Variants in MAP3K4 observed in about 807,000 individuals in gnomAD.
MAP3K4 encodes the protein MAP three kinase 1.
Under a neutral mutation model 185.6 loss-of-function variants are expected in MAP3K4, and 67 were observed. That is an observed-to-expected ratio of 0.36 (90% confidence interval 0.30 to 0.44). MAP3K4 has a LOEUF of 0.44. Ranked by LOEUF, MAP3K4 falls within the 20% of genes least tolerant of loss-of-function variation. The pLI, the probability that MAP3K4 is intolerant of heterozygous loss-of-function variation, is 1.00. For missense variants in MAP3K4, 1,551 were observed against 1,995.1 expected, an observed-to-expected ratio of 0.78 and a Z score of 4.24; for synonymous variants, 702 against 710.4, an observed-to-expected ratio of 0.99 and a Z score of 0.19.
Position 161,074,979 on chromosome 6 carries a change from G to A in MAP3K4, c.2097+1367G>A, listed in dbSNP as rs1300470054. Among the ~76,000 whole-genome samples, 2 of 152,158 alleles carry A rather than the reference G, an allele frequency of 1.3e-5. No homozygotes were observed. The highest frequency in any genetic ancestry group is 1.3e-4 in the Admixed American group (2 of 15,276). On this transcript the variant is annotated intron_variant, in intron 5 of 26. Transcript: ENST00000392142. The surrounding 1 kb of genome is among the most constrained non-coding windows in gnomAD (Gnocchi z 5.0). ...TGGCCTCACTGTTGCCATGGAGGCT[G>A]GGAATGCACATGTTGAGCTTTCCAG...
At position 161,107,076 on chromosome 6, in the gene MAP3K4, A is replaced by ACG. The variant is rs1778116181; in HGVS notation, c.4048+372_4048+373insGC. Among the ~76,000 whole-genome samples the ACG allele has an allele frequency of 6.6e-6, 1 of 150,818 alleles. No individual in the cohort carries two copies. Among genetic ancestry groups the ACG allele is most frequent in the Non-Finnish European group, 1.5e-5 (1 of 67,968 alleles). On this transcript the variant is annotated intron_variant, in intron 20 of 26. Transcript: ENST00000392142. The surrounding 1 kb of genome is among the most constrained non-coding windows in gnomAD (Gnocchi z 6.2). ...CACACACACACACACACACACACAC[A>ACG]CACGCAGAACGTGATTTGAAGAGAG...
In MAP3K4 at chr6:161,022,203, A is replaced by AC. The variant is rs926326134; in HGVS notation, c.153-12055dup. On this transcript the variant is annotated intron_variant, in intron 1 of 26. Transcript: ENST00000392142. The surrounding 1 kb of genome is among the most constrained non-coding windows in gnomAD (Gnocchi z 4.2). Reference sequence around the variant, plus strand: ...AGTGCTGCACATTGACCTTCCTGGAACGCAGAGTGTAATCCCTGCATTTGG... The same window carrying AC: ...AGTGCTGCACATTGACCTTCCTGGAACCGCAGAGTGTAATCCCTGCATTTGG... 3.9e-5 allele frequency: 6 copies of AC among 152,204 alleles called. No individual in the cohort carries two copies. The highest frequency in any genetic ancestry group is 1.4e-4 in the African/African-American group (6 of 41,442). The allele number at this position is 152,204 out of a possible 1,614,324, so 9.4% of individuals were successfully genotyped here.
chr6:161,089,872 A>G (rs1392607700), intron 11 of MAP3K4, among the ~76,000 whole-genome samples: 2 of 152,244 alleles, frequency 1.3e-5, no homozygotes. Context: ...GTTTTGTTTA[A>G]TAAATAATTC....
Position 161,073,908 on chromosome 6 carries a change from G to A in MAP3K4, c.2097+296G>A, listed in dbSNP as rs1450572859. On this transcript the variant is annotated intron_variant, in intron 5 of 26. Transcript: ENST00000392142. This position sits in a 1 kb window ranked among gnomAD's most constrained non-coding sequence, Gnocchi z 4.2. Reference sequence around the variant, plus strand: ...TTTAAGTTGGAAGTTTTTGACAAACGTTAACCTAGTTCATTCTTTACTTGT... The same window carrying A: ...TTTAAGTTGGAAGTTTTTGACAAACATTAACCTAGTTCATTCTTTACTTGT... 1.3e-5 allele frequency among the ~76,000 whole-genome samples: 2 copies of A among 152,200 alleles called. No individual in the cohort carries two copies.
At chr6:161,102,088 T>G in intron 18 of MAP3K4, 96 bp downstream of exon 18, 3 of 937,978 alleles carry the variant, frequency 3.2e-6, no homozygotes, top group Non-Finnish European at 4.9e-6. Flanking sequence ...GAGGATTCCT[T>G]GAAGATTCCT....
intron 2 of MAP3K4, among the ~76,000 whole-genome samples, chr6:161,036,531 C>CTA (rs1424318453): frequency 6.6e-6 from 1 of 152,146 alleles, no homozygotes; most frequent in Non-Finnish European, 1.5e-5. Context: ...GCTGTACTAT[C>CTA]TTTACTATTT....
At chr6:161,041,784 G>C (rs1982291) in intron 2 of MAP3K4, among the ~76,000 whole-genome samples, 116,693 of 152,040 alleles carry the variant, frequency 0.77, 45,505 homozygotes, top group East Asian at 0.99. Context: ...GAGAGTTGAC[G>C]AGCAGAAACT....
Position 161,086,351 on chromosome 6 carries a change from T to G in MAP3K4, c.2373-28T>G. 7.2e-7 allele frequency: 1 copy of G among 1,392,206 alleles called. No homozygotes were observed. The highest frequency in any genetic ancestry group is 1.0e-6 in the Non-Finnish European group (1 of 986,108). The allele number at this position is 1,392,206 out of a possible 1,614,324, so 86.2% of individuals were successfully genotyped here. A position where few individuals can be genotyped will look rare whatever the true frequency, so the allele number is the denominator to read the frequency against. Reference sequence around the variant, plus strand: ...ACCTCTGGAATATTCCCTAATGTGTTCTAACTGGACTTGAATCCACTTGGC... The same window carrying G: ...ACCTCTGGAATATTCCCTAATGTGTGCTAACTGGACTTGAATCCACTTGGC... On this transcript the variant is annotated intron_variant, in intron 7 of 26. Transcript: ENST00000392142. The surrounding 1 kb of genome is among the most constrained non-coding windows in gnomAD (Gnocchi z 4.8).
intron 1 of MAP3K4, among the ~76,000 whole-genome samples, chr6:161,024,250 CG>C (rs933451916): frequency 2.0e-5 from 3 of 152,174 alleles, no homozygotes; most frequent in Admixed American, 6.5e-5. Flanking sequence ...ATTATAGATG[CG>C]AGCCGCCACA....
rs1331227780 is a variant in MAP3K4 at position 161,037,181 on chromosome 6, T to C, written c.343+2732T>C. Among the ~76,000 whole-genome samples the C allele has an allele frequency of 6.6e-6, 1 of 152,218 alleles. No individual in the cohort carries two copies. The highest frequency in any genetic ancestry group is 2.1e-4 in the South Asian group (1 of 4,828). ...GGCCATTTTAATGTCTTAGTCTTGG[T>C]TGTGGTGGTTAATAGTCTTTGAGAA... On this transcript the variant is annotated intron_variant, in intron 2 of 26. Coordinates refer to ENST00000392142, the MANE Select transcript of MAP3K4 (RefSeq NM_005922.4). The surrounding 1 kb of genome is among the most constrained non-coding windows in gnomAD (Gnocchi z 4.2).
intron 3 of MAP3K4, among the ~76,000 whole-genome samples, chr6:161,052,787 A>G (rs74481467): frequency 0.012 from 1,868 of 152,082 alleles, 29 homozygotes; most frequent in Middle Eastern, 0.051. Flanking sequence ...CCCCACTCCC[A>G]GGTTTGTTTT....
chr6:161,087,828 C>G lies in MAP3K4; in HGVS notation c.2697C>G (p.Ala899=). ...ATTCAGATGACGTACTCATCGATGCCTATCTGCTTCTGACCAAGCACGGTG... is the reference window on the plus strand; with the variant it reads ...ATTCAGATGACGTACTCATCGATGCGTATCTGCTTCTGACCAAGCACGGTG... ...SKDSDDVLID[A]YLLLTKHGDR... is the part of the protein sequence containing the mutation. The change falls in exon 10 of 27, where the codon GCC becomes GCG. Residue 899 remains alanine (A), a synonymous_variant. Transcript: ENST00000392142. This position sits in a 1 kb window ranked among gnomAD's most constrained non-coding sequence, Gnocchi z 4.9. The G allele has an allele frequency of 6.2e-7, 1 of 1,614,150 alleles. No individual in the cohort carries two copies. The highest frequency in any genetic ancestry group is 1.1e-5 in the South Asian group (1 of 91,066).
chr6:161,092,948 A>T (rs762848415), intron 13 of MAP3K4, 30 bp from the exon 14 acceptor site: 1 of 1,391,888 alleles, frequency 7.2e-7, no homozygotes, highest in Non-Finnish European at 1.0e-6. Context: ...CTTGGTTGTT[A>T]TGTGATTACT....
intron 19 of MAP3K4, among the ~76,000 whole-genome samples, chr6:161,105,103 G>T (rs1224475911): frequency 1.3e-5 from 2 of 152,150 alleles, no homozygotes; most frequent in African/African-American, 2.4e-5. Flanking sequence ...TTAGTGGGTT[G>T]TAAAATTTTA....
Position 161,048,833 on chromosome 6 carries a change from T to G in MAP3K4, c.561T>G (p.Pro187=), listed in dbSNP as rs1265442926. ...TTCCAGATGTGGATCTCAATAAGCC[T>G]TACCTCAGCCTTGGCTGTAGCAATG... The part of the protein sequence containing the change: ...KSIPDVDLNK[P]YLSLGCSNAK... The change falls in exon 3 of 27, where the codon CCT becomes CCG. Residue 187 remains proline (P), a synonymous_variant. Coordinates refer to ENST00000392142, the MANE Select transcript of MAP3K4 (RefSeq NM_005922.4). The surrounding 1 kb of genome is among the most constrained non-coding windows in gnomAD (Gnocchi z 4.7). 2 of 1,614,204 alleles carry G rather than the reference T, an allele frequency of 1.2e-6. No homozygotes were observed. Among genetic ancestry groups the G allele is most frequent in the Non-Finnish European group, 1.7e-6 (2 of 1,180,028 alleles).
In MAP3K4 at chr6:161,076,959, G is replaced by A. The variant is rs1430172943; in HGVS notation, c.2097+3347G>A. Among the ~76,000 whole-genome samples the A allele has an allele frequency of 6.6e-6, 1 of 152,170 alleles. No individual in the cohort carries two copies. ...GCTGAGAAAAATGCCCTCAGGAAAG[G>A]CACAGGTCTTTTGTGGACTGGTTAA... On this transcript the variant is annotated intron_variant, in intron 5 of 26. Coordinates refer to ENST00000392142, the MANE Select transcript of MAP3K4 (RefSeq NM_005922.4). The surrounding 1 kb of genome is among the most constrained non-coding windows in gnomAD (Gnocchi z 4.2).
intron 3 of MAP3K4, among the ~76,000 whole-genome samples, chr6:161,058,757 GATAT>G (rs148494924): frequency 6.8e-6 from 1 of 146,312 alleles, no homozygotes. Context: ...TGTCCTTGTA[GATAT>G]ATATATATAT....
chr6:161,068,587 G>A (rs1001422306), intron 3 of MAP3K4, among the ~76,000 whole-genome samples: 1 of 152,184 alleles, frequency 6.6e-6, no homozygotes, highest in Non-Finnish European at 1.5e-5. Context: ...GACAAGCCTT[G>A]GAACAAAATC....
chr6:160,994,006 C>G (rs756018929), intron 1 of MAP3K4, among the ~76,000 whole-genome samples: 4 of 152,046 alleles, frequency 2.6e-5, no homozygotes, highest in Non-Finnish European at 4.4e-5. Context: ...GACAGAATTA[C>G]TGTAGATCTT....
Sources: allele counts gnomAD v4.1 joint callset (sites outside exome capture counted in the v4.1 genomes callset), GRCh38; gene constraint gnomAD v4.1.1; non-coding constraint Gnocchi (gnomAD v3.1); transcripts MANE v1.5; gene names NCBI Gene and HGNC (gene_info 2026-07-23, HGNC 2026-07-21).